ABRAXAS1: variants seen among roughly 807,000 people sequenced by gnomAD.
ABRAXAS1 encodes the protein abraxas 1, BRCA1 A complex subunit, also known as BRCA1-A complex subunit Abraxas 1.
In ABRAXAS1, 26 loss-of-function variants were observed where a neutral mutation model predicts 38.4. The observed-to-expected ratio is 0.68, with a 90% CI of 0.50 to 0.94. The LOEUF is 0.94. Among genes scored for constraint, ABRAXAS1 ranks in the 40% least tolerant of loss-of-function variants. ABRAXAS1 has a pLI of 0.00. For missense variants in ABRAXAS1, 438 were observed against 481.9 expected, an observed-to-expected ratio of 0.91 and a Z score of 0.85; for synonymous variants, 144 against 165.5, an observed-to-expected ratio of 0.87 and a Z score of 1.00.
In ABRAXAS1 at chr4:83,461,509, A is replaced by G. The variant is rs1356797965; in HGVS notation, c.*960T>C. 22 of 336,238 alleles carry G rather than the reference A, an allele frequency of 6.5e-5. No individual in the cohort carries two copies. Among genetic ancestry groups the G allele is most frequent in the South Asian group, 1.9e-4 (4 of 20,906 alleles). The allele number at this position is 336,238 out of a possible 1,614,324, so 20.8% of individuals were successfully genotyped here. A position where few individuals can be genotyped will look rare whatever the true frequency, so the allele number is the denominator to read the frequency against. ...CAGAATGATTTTCCAACTAGCAAAT[A>G]TAAGTATGCCTGGTTAAGATATCTT... On this transcript the variant is annotated 3_prime_UTR_variant, in exon 9 of 9. Coordinates refer to ENST00000321945, the MANE Select transcript of ABRAXAS1 (RefSeq NM_139076.3).
chr4:83,476,065 G>T (rs1375264332), intron 3 of ABRAXAS1, among the ~76,000 whole-genome samples: 2 of 152,168 alleles, frequency 1.3e-5, no homozygotes, highest in African/African-American at 4.8e-5. Context: ...GCTGGGTGTG[G>T]TGGCTGGTGC....
rs587780269 is a variant in ABRAXAS1, at chr4:83,462,784, A to T, written c.915T>A (p.His305Gln). ...HSCVMSLKNR[H>Q]VSKSSCNYNH... ...TGTAGTTACAGCTACTTTTAGAAAC[A>T]TGTCTATTTTTTAAAGACATAACAC... is the stretch of plus-strand genomic sequence containing the variant. The change falls in exon 9 of 9, where the codon CAT (histidine) becomes CAA (glutamine). Residue 305 changes from histidine to glutamine, a missense_variant. By Grantham distance (24) the His-to-Gln change is conservative. Around this residue, in one of 3 missense-constraint regions of ABRAXAS1, gnomAD observed 184 missense variants for 181.9 expected, o/e 1.01. Coordinates refer to ENST00000321945, the MANE Select transcript of ABRAXAS1 (RefSeq NM_139076.3). The T allele has an allele frequency of 2.5e-6, 4 of 1,614,066 alleles. No individual in the cohort carries two copies. The highest frequency in any genetic ancestry group is 3.4e-6 in the Non-Finnish European group (4 of 1,179,992).
intron 4 of ABRAXAS1, among the ~76,000 whole-genome samples, chr4:83,470,880 C>T (rs1419736764): frequency 6.6e-6 from 1 of 152,130 alleles, no homozygotes; most frequent in Non-Finnish European, 1.5e-5. Flanking sequence ...AACTTGGCTT[C>T]AAGATTAAGA....
intron 4 of ABRAXAS1, among the ~76,000 whole-genome samples, chr4:83,471,889 A>C (rs1333719591): frequency 6.6e-6 from 1 of 152,132 alleles, no homozygotes; most frequent in African/African-American, 2.4e-5. Flanking sequence ...AAAACAAAAA[A>C]AACCAAAACA....
rs367969368 is a variant in ABRAXAS1 at position 83,472,258 on chromosome 4, C to T, written c.246G>A (p.Glu82=). The T allele has an allele frequency of 2.0e-4, 313 of 1,531,900 alleles. No homozygotes were observed. Among genetic ancestry groups the T allele is most frequent in the Non-Finnish European group, 2.6e-4 (298 of 1,138,892 alleles). The allele number at this position is 1,531,900 out of a possible 1,614,324, so 94.9% of individuals were successfully genotyped here. The change falls in exon 4 of 9, where the codon GAG becomes GAA. Residue 82 remains glutamate (E), a synonymous_variant. Transcript: ENST00000321945. ...TTGATAATATTTTCTTCAGTGCTTG[C>T]TCATTTACTTCGCCTGAAGAATTAT... The part of the protein sequence containing the change: ...SFYNSSGEVN[E]QALKKILSNV...
chr4:83,470,417 G>C, intron 4 of ABRAXAS1, 21 bp from the exon 5 acceptor site: 3 of 1,555,414 alleles, frequency 1.9e-6, no homozygotes, highest in Non-Finnish European at 2.6e-6. Context: ...GAATAAAAAG[G>C]ATATACATCT....
intron 8 of ABRAXAS1, among the ~76,000 whole-genome samples, 179 bp from the exon 9 acceptor site, chr4:83,463,081 A>T (rs1462177786): frequency 6.6e-6 from 1 of 152,238 alleles, no homozygotes; most frequent in Non-Finnish European, 1.5e-5. Context: ...AGACAAAATT[A>T]AAGTTGTGTT....
intron 7 of ABRAXAS1, chr4:83,467,206 T>C (rs1446026209): frequency 2.8e-6 from 1 of 352,770 alleles, no homozygotes; most frequent in Non-Finnish European, 5.1e-6. Flanking sequence ...TCAATAATAA[T>C]TTGGGGACAT....
intron 4 of ABRAXAS1, among the ~76,000 whole-genome samples, chr4:83,471,886 A>G (rs1246785030): frequency 6.6e-6 from 1 of 152,316 alleles, no homozygotes; most frequent in South Asian, 2.1e-4. Flanking sequence ...AACAAAACAA[A>G]AAAAACCAAA....
At chr4:83,463,381 T>G in intron 8 of ABRAXAS1, 113 bp downstream of exon 8, 1 of 635,836 alleles carries the variant, frequency 1.6e-6, no homozygotes, top group Non-Finnish European at 2.5e-6. Context: ...TGCAGTAAGC[T>G]GAGATCACAC....
chr4:83,483,590 T>C, intron 1 of ABRAXAS1, among the ~76,000 whole-genome samples: 1 of 152,204 alleles, frequency 6.6e-6, no homozygotes, highest in Non-Finnish European at 1.5e-5. Context: ...TAATTAATAA[T>C]GCTTTTTTCC....
intron 4 of ABRAXAS1, among the ~76,000 whole-genome samples, chr4:83,470,714 GA>G (rs1299953494): frequency 1.3e-5 from 2 of 151,998 alleles, no homozygotes; most frequent in African/African-American, 2.4e-5. Context: ...AAATTTAAAT[GA>G]AAAAAATATC....
chr4:83,481,572 T>C lies in ABRAXAS1; in HGVS notation c.178+582A>G, dbSNP rs550975534. On this transcript the variant is annotated intron_variant, in intron 2 of 8. Transcript: ENST00000321945. Reference sequence around the variant, plus strand: ...TTTATCTTTTTCCTTGGTCTTCCTATTGCCGGGCCATCTTCCTACTAAACA... The same window carrying C: ...TTTATCTTTTTCCTTGGTCTTCCTACTGCCGGGCCATCTTCCTACTAAACA... Among the ~76,000 whole-genome samples, 11 of 152,330 alleles carry C rather than the reference T, an allele frequency of 7.2e-5. No homozygotes were observed. In the East Asian group the frequency reaches 1.7e-3, roughly 24 times the overall value.
intron 8 of ABRAXAS1, 64 bp from the exon 9 acceptor site, chr4:83,462,966 T>A: frequency 2.7e-6 from 3 of 1,107,142 alleles, no homozygotes; most frequent in Non-Finnish European, 1.3e-6. Context: ...TATAATTAAC[T>A]ATTTGTAAGT....
chr4:83,483,291 T>G (rs950788001), intron 1 of ABRAXAS1, among the ~76,000 whole-genome samples: 8 of 151,344 alleles, frequency 5.3e-5, no homozygotes, highest in African/African-American at 1.9e-4. Context: ...TTTTTTTTTT[T>G]TTTTGAGAAG....
At position 83,459,936 on chromosome 4, in the gene ABRAXAS1, T is replaced by G. The variant is rs1722018866; in HGVS notation, c.*2533A>C. 1 of 649,116 alleles carries G rather than the reference T, an allele frequency of 1.5e-6. No homozygotes were observed. 40.2% of individuals were successfully genotyped at this position (649,116 alleles called of 1,614,324 possible). A position where few individuals can be genotyped will look rare whatever the true frequency, so the allele number is the denominator to read the frequency against. On this transcript the variant is annotated 3_prime_UTR_variant, in exon 9 of 9. Transcript: ENST00000321945. ...AGATACTACAGGGACTAGAGCTAGT[T>G]ACTATGAAAAAGTCTCTTAGGCCAA...
rs1282047067 is a variant in ABRAXAS1 at position 83,459,869 on chromosome 4, A to G, written c.*2600T>C. 3 of 1,338,250 alleles carry G rather than the reference A, an allele frequency of 2.2e-6. No individual in the cohort carries two copies. The highest frequency in any genetic ancestry group is 3.1e-6 in the Non-Finnish European group (3 of 965,432). The allele number at this position is 1,338,250 out of a possible 1,614,324, so 82.9% of individuals were successfully genotyped here. On this transcript the variant is annotated 3_prime_UTR_variant, in exon 9 of 9. Transcript: ENST00000321945. ...ATCAATCTATTTCTATCATTTAAGA[A>G]AACTCAAATTTTCAAATTGTGCTAT...
chr4:83,462,302 C>G lies in ABRAXAS1; in HGVS notation c.*167G>C. On this transcript the variant is annotated 3_prime_UTR_variant, in exon 9 of 9. Coordinates refer to ENST00000321945, the MANE Select transcript of ABRAXAS1 (RefSeq NM_139076.3). ...AAAGCATCTGATGTTTGAAAAAGTACTTTGTGAAGTAAATGCACTAAGAGT... is the reference window on the plus strand; with the variant it reads ...AAAGCATCTGATGTTTGAAAAAGTAGTTTGTGAAGTAAATGCACTAAGAGT... The G allele has an allele frequency of 5.0e-6, 3 of 603,350 alleles. No individual in the cohort carries two copies. Among genetic ancestry groups the G allele is most frequent in the Non-Finnish European group, 8.5e-6 (3 of 352,984 alleles). The allele number at this position is 603,350 out of a possible 1,614,324, so 37.4% of individuals were successfully genotyped here.
intron 6 of ABRAXAS1, among the ~76,000 whole-genome samples, chr4:83,467,929 A>T (rs187381459): frequency 3.3e-5 from 5 of 152,328 alleles, no homozygotes; most frequent in Admixed American, 2.6e-4. Context: ...TCATTATTTT[A>T]TGATCCATAA....
Sources: allele counts gnomAD v4.1 joint callset (sites outside exome capture counted in the v4.1 genomes callset), GRCh38; gene constraint gnomAD v4.1.1; regional missense constraint gnomAD v4.1.1; transcripts MANE v1.5; gene names NCBI Gene and HGNC (gene_info 2026-07-23, HGNC 2026-07-21).